DGKD: variants seen among roughly 807,000 people sequenced by gnomAD.
The protein encoded by DGKD is DAG kinase delta.
DGKD carries 68 observed loss-of-function variants against 154.4 expected under a neutral mutation model. The ratio of observed to expected loss-of-function variants is 0.44; its 90% CI spans 0.36 to 0.54. DGKD has a LOEUF of 0.54. Ranked by LOEUF, DGKD falls within the 20% of genes least tolerant of loss-of-function variation. The pLI is 0.00. For synonymous variants in DGKD, 693 were observed against 638.0 expected (o/e 1.09, Z -1.30); for missense variants, 1,343 against 1,593.6 (o/e 0.84, Z 2.68).
chr2:233,469,266 G>T, intron 29 of DGKD, 105 bp from the exon 30 acceptor site: 1 of 944,852 alleles, frequency 1.1e-6, no homozygotes, highest in Non-Finnish European at 1.7e-6. Flanking sequence ...GCTCTCATTT[G>T]TGTTCACAAG....
At chr2:233,446,127 T>C (rs1389459324) in intron 11 of DGKD, among the ~76,000 whole-genome samples, 1 of 152,240 alleles carries the variant, frequency 6.6e-6, no homozygotes, top group Non-Finnish European at 1.5e-5. Flanking sequence ...TTTTCTCATA[T>C]TCTGTTCCCA....
chr2:233,435,744 TCA>T (rs2062670094), intron 5 of DGKD, 72 bp from the exon 6 acceptor site: 6 of 1,440,314 alleles, frequency 4.2e-6, no homozygotes, highest in Middle Eastern at 1.8e-4. Flanking sequence ...TGGACGGTTC[TCA>T]CAACACTGCT....
intron 19 of DGKD, among the ~76,000 whole-genome samples, chr2:233,455,491 A>G (rs908959835): frequency 2.0e-5 from 3 of 152,232 alleles, no homozygotes; most frequent in Non-Finnish European, 4.4e-5. Context: ...TGTCTGTGAA[A>G]CACAAGAAGT....
chr2:233,374,144 G>C (rs190121716), intron 1 of DGKD, among the ~76,000 whole-genome samples: 5 of 151,264 alleles, frequency 3.3e-5, no homozygotes, highest in Admixed American at 6.6e-5. Flanking sequence ...TCCACCTCCC[G>C]GGTTCAAGTG....
rs182640128 is a variant in DGKD at position 233,408,051 on chromosome 2, T to G, written c.348+17568T>G. Among the ~76,000 whole-genome samples, 147 of 151,828 alleles carry G rather than the reference T, an allele frequency of 9.7e-4. 3 individuals are homozygous for G. In the East Asian group the frequency reaches 0.011, roughly 11 times the overall value. ...TCGGAGAGAGGAAAAACTGTTTTTT[T>G]TTTTTTTTTTCAGATGAGTCTCACT... On this transcript the variant is annotated intron_variant, in intron 3 of 29. Coordinates refer to ENST00000264057, the MANE Select transcript of DGKD (RefSeq NM_152879.3).
intron 3 of DGKD, among the ~76,000 whole-genome samples, chr2:233,433,335 A>G (rs1312372661): frequency 6.6e-6 from 1 of 152,218 alleles, no homozygotes; most frequent in Admixed American, 6.5e-5. Flanking sequence ...AAGTAAGCCA[A>G]GCACAGAAAG....
At chr2:233,400,656 G>T (rs2061537367) in intron 3 of DGKD, among the ~76,000 whole-genome samples, 1 of 150,350 alleles carries the variant, frequency 6.7e-6, no homozygotes, top group Admixed American at 6.6e-5. Context: ...CCCTCAGTGG[G>T]TGGTGGAGTG....
At chr2:233,416,545 ATACT>A (rs2061965210) in intron 3 of DGKD, among the ~76,000 whole-genome samples, 1 of 152,156 alleles carries the variant, frequency 6.6e-6, no homozygotes, top group African/African-American at 2.4e-5. Context: ...TTTCCTCTTG[ATACT>A]TACTTGTTAA....
At chr2:233,469,104 C>A (rs1395963224) in intron 29 of DGKD, among the ~76,000 whole-genome samples, 1 of 152,228 alleles carries the variant, frequency 6.6e-6, no homozygotes, top group African/African-American at 2.4e-5. Context: ...GGTCACTTGT[C>A]ATCCACTTGC....
At chr2:233,395,559 TTTTCC>T (rs1410798776) in intron 3 of DGKD, among the ~76,000 whole-genome samples, 1 of 151,398 alleles carries the variant, frequency 6.6e-6, no homozygotes, top group Non-Finnish European at 1.5e-5. Context: ...CAGATTTTCT[TTTTCC>T]TTTCTTTTCT....
At chr2:233,420,918 C>T (rs2062093286) in intron 3 of DGKD, among the ~76,000 whole-genome samples, 1 of 152,114 alleles carries the variant, frequency 6.6e-6, no homozygotes, top group Non-Finnish European at 1.5e-5. Context: ...CTTCTTGGCA[C>T]ATGGGCAAGA....
chr2:233,442,846 C>T (rs545760234), intron 10 of DGKD, among the ~76,000 whole-genome samples: 9 of 152,266 alleles, frequency 5.9e-5, no homozygotes, highest in East Asian at 5.8e-4. Context: ...CCTCATGATC[C>T]GCCCACCTTG....
In DGKD at chr2:233,440,871, G is replaced by A. The variant is rs1350903614; in HGVS notation, c.1086-1016G>A. On this transcript the variant is annotated intron_variant, in intron 9 of 29. Transcript: ENST00000264057. The surrounding 1 kb of genome is among the most constrained non-coding windows in gnomAD (Gnocchi z 4.9). ...TCCTGTGGGACTCTGCGAGAGCACGGTGGTGACCTGAGCGGGTGGCTGGGT... is the reference window on the plus strand; with the variant it reads ...TCCTGTGGGACTCTGCGAGAGCACGATGGTGACCTGAGCGGGTGGCTGGGT... 6.6e-6 allele frequency among the ~76,000 whole-genome samples: 1 copy of A among 152,204 alleles called. No homozygotes were observed. The highest frequency in any genetic ancestry group is 1.5e-5 in the Non-Finnish European group (1 of 68,028).
At chr2:233,468,945 G>A (rs113036324) in intron 29 of DGKD, among the ~76,000 whole-genome samples, 1 of 152,212 alleles carries the variant, frequency 6.6e-6, no homozygotes, top group African/African-American at 2.4e-5. Context: ...GCCAGGCCTC[G>A]GTCTATGCCA....
Position 233,438,767 on chromosome 2 carries a change from T to TATCTATC in DGKD, c.1085+389_1085+395dup, listed in dbSNP as rs2062792367. Among the ~76,000 whole-genome samples, 2 of 104,322 alleles carry TATCTATC rather than the reference T, an allele frequency of 1.9e-5. No homozygotes were observed. The highest frequency in any genetic ancestry group is 7.0e-4 in the South Asian group (2 of 2,846). The allele number at this position is 104,322 out of a possible 152,430, so 68.4% of individuals were successfully genotyped here. A position where few individuals can be genotyped will look rare whatever the true frequency, so the allele number is the denominator to read the frequency against. ...TCTGTCTATCTATCATCTATCTATC[T>TATCTATC]ATCTATCTATCTATCTATCTATCTA... On this transcript the variant is annotated intron_variant, in intron 9 of 29. Transcript: ENST00000264057. The surrounding 1 kb of genome is among the most constrained non-coding windows in gnomAD (Gnocchi z 4.1).
intron 28 of DGKD, among the ~76,000 whole-genome samples, chr2:233,468,054 G>A (rs1359090209): frequency 6.6e-6 from 1 of 152,112 alleles, no homozygotes; most frequent in Non-Finnish European, 1.5e-5. Context: ...GAAATGACCA[G>A]AGGCTGGCGG....
At chr2:233,429,036 T>C (rs1029226791) in intron 3 of DGKD, 1 of 771,260 alleles carries the variant, frequency 1.3e-6, no homozygotes, top group Non-Finnish European at 1.6e-6. Flanking sequence ...TTAAACCTAA[T>C]GCTTTTGTCT....
intron 1 of DGKD, among the ~76,000 whole-genome samples, chr2:233,367,163 C>G (rs1282469052): frequency 6.6e-6 from 1 of 151,936 alleles, no homozygotes; most frequent in Non-Finnish European, 1.5e-5. Flanking sequence ...TTCTCTCTTC[C>G]CGTTCCCTAC....
chr2:233,438,301 T>C lies in DGKD; in HGVS notation c.1007T>C (p.Val336Ala). ...TCAAAAAGTGGGGACAACCAGGGTGTGAAGTTCCTCAGAAGATTCAAACAG... is the reference window on the plus strand; with the variant it reads ...TCAAAAAGTGGGGACAACCAGGGTGCGAAGTTCCTCAGAAGATTCAAACAG... The part of the protein sequence containing the change: ...VNSKSGDNQG[V>A]KFLRRFKQLL... The change falls in exon 9 of 30, where the codon GTG becomes GCG. Residue 336 changes from valine to alanine, a missense_variant. By Grantham distance (64) the Val-to-Ala change is moderately conservative. This residue lies in a region of DGKD where 332 missense variants were observed against 400.1 expected (regional missense o/e 0.83). Transcript: ENST00000264057. The surrounding 1 kb of genome is among the most constrained non-coding windows in gnomAD (Gnocchi z 4.1). 6.2e-7 allele frequency: 1 copy of C among 1,614,198 alleles called. No homozygotes were observed. Among genetic ancestry groups the C allele is most frequent in the Non-Finnish European group, 8.5e-7 (1 of 1,180,032 alleles).
Sources: gnomAD v4.1 joint callset for allele counts (sites outside exome capture counted in the v4.1 genomes callset) on GRCh38, gnomAD v4.1.1 for gene constraint, gnomAD v4.1.1 regional missense constraint, Gnocchi (gnomAD v3.1) non-coding constraint, MANE v1.5 for transcripts, NCBI Gene and HGNC (gene_info 2026-07-23, HGNC 2026-07-21) for gene names.